Variants in RNF13 observed in about 807,000 individuals in gnomAD.
RNF13 encodes the protein E3 ubiquitin-protein ligase RNF13.
A neutral mutation model predicts 37.7 loss-of-function variants in RNF13; 19 were observed. That is an observed-to-expected ratio of 0.50 (90% CI 0.35 to 0.74). The LOEUF (loss-of-function observed/expected upper bound fraction) is 0.74. Ranked by LOEUF, RNF13 falls within the 30% of genes least tolerant of loss-of-function variation. The pLI is 0.01. For missense variants in RNF13, 375 were observed against 453.0 expected, an observed-to-expected ratio of 0.83 and a Z score of 1.56; for synonymous variants, 144 against 157.8, an observed-to-expected ratio of 0.91 and a Z score of 0.65.
At chr3:149,819,886 T>A (rs573836347) in intron 1 of RNF13, among the ~76,000 whole-genome samples, 1 of 152,360 alleles carries the variant, frequency 6.6e-6, no homozygotes, top group Non-Finnish European at 1.5e-5. Context: ...TTTCTAGTTG[T>A]TTCAACGATG....
At chr3:149,935,079 A>G (rs1456459272) in intron 8 of RNF13, among the ~76,000 whole-genome samples, 2 of 152,236 alleles carry the variant, frequency 1.3e-5, no homozygotes, top group South Asian at 2.1e-4. Flanking sequence ...AGAAGAATGT[A>G]TATTCCACAG....
At chr3:149,914,888 A>G (rs1193124945) in intron 7 of RNF13, among the ~76,000 whole-genome samples, 1 of 152,082 alleles carries the variant, frequency 6.6e-6, no homozygotes, top group Non-Finnish European at 1.5e-5. Context: ...CAGTGAGCCA[A>G]GATCACACCA....
At chr3:149,905,984 A>G (rs1023556376) in intron 6 of RNF13, among the ~76,000 whole-genome samples, 31 of 152,272 alleles carry the variant, frequency 2.0e-4, no homozygotes, top group African/African-American at 6.3e-4. Context: ...GTCACTTCCT[A>G]TTCCCCAGTC....
chr3:149,864,536 A>G (rs939661241), intron 3 of RNF13, among the ~76,000 whole-genome samples: 6 of 152,182 alleles, frequency 3.9e-5, no homozygotes, highest in African/African-American at 1.2e-4. Context: ...CAGAGCGCAC[A>G]TTCATTTTGT....
intron 8 of RNF13, among the ~76,000 whole-genome samples, chr3:149,954,131 G>A (rs186894774): frequency 9.3e-4 from 142 of 152,088 alleles, no homozygotes; most frequent in African/African-American, 2.9e-3. Context: ...TAAGTAAAAG[G>A]TCTGTTTGTT....
intron 8 of RNF13, among the ~76,000 whole-genome samples, chr3:149,959,491 G>A (rs1346478280): frequency 6.6e-6 from 1 of 152,168 alleles, no homozygotes; most frequent in Non-Finnish European, 1.5e-5. Context: ...ATACCTATGT[G>A]CCTGGCCCTT....
intron 1 of RNF13, among the ~76,000 whole-genome samples, chr3:149,845,411 A>G (rs1722548741): frequency 1.3e-5 from 2 of 152,182 alleles, no homozygotes; most frequent in South Asian, 2.1e-4. Context: ...AGTGAACAGG[A>G]TGAAGTTGGG....
chr3:149,910,598 G>A (rs1354279941), intron 6 of RNF13, among the ~76,000 whole-genome samples: 1 of 152,188 alleles, frequency 6.6e-6, no homozygotes, highest in Non-Finnish European at 1.5e-5. Flanking sequence ...AAGCACCTCT[G>A]TATGAGGAAA....
Position 149,889,577 on chromosome 3 carries a change from A to G in RNF13, c.322-5896A>G, listed in dbSNP as rs191291164. ...CTCAGCCTCCCAAAGTGCTGGGATT[A>G]AAGGCGTGAGCCACTGCACTTGGCC... is the stretch of plus-strand genomic sequence containing the variant. On this transcript the variant is annotated intron_variant, in intron 4 of 9. Coordinates refer to ENST00000392894, the MANE Select transcript of RNF13 (RefSeq NM_183381.3). Among the ~76,000 whole-genome samples the G allele has an allele frequency of 3.5e-3, 528 of 151,928 alleles. 3 individuals are homozygous for G. The highest frequency in any genetic ancestry group is 0.012 in the African/African-American group (503 of 41,430).
rs548331987 is a variant in RNF13 at position 149,921,270 on chromosome 3, G to A, written c.700+43G>A. ...AAATAATTATCCTTAGTTTATTTAA[G>A]ACTGCAGGGTGACTATACTCTTTAA... On this transcript the variant is annotated intron_variant, in intron 8 of 9. Transcript: ENST00000392894. 1.9e-5 allele frequency: 17 copies of A among 904,576 alleles called. No individual in the cohort carries two copies. In the Admixed American group the frequency reaches 5.0e-4, roughly 26 times the overall value. 56.0% of individuals were successfully genotyped at this position (904,576 alleles called of 1,614,324 possible).
rs1402275498 is a variant in RNF13 at position 149,814,158 on chromosome 3, A to G, written c.-17+805A>G. The stretch of plus-strand genomic sequence containing the variant: ...CTTGTTGCCCCAAACCTGCCCGGCT[A>G]TTACTGTTCGTCAGTGATGCAGCAG... On this transcript the variant is annotated intron_variant, in intron 1 of 9. Coordinates refer to ENST00000392894, the MANE Select transcript of RNF13 (RefSeq NM_183381.3). 5 of 152,218 alleles carry G rather than the reference A, an allele frequency of 3.3e-5. No individual in the cohort carries two copies. In the South Asian group the frequency reaches 6.2e-4, roughly 19 times the overall value. 9.4% of individuals were successfully genotyped at this position (152,218 alleles called of 1,614,324 possible).
chr3:149,941,467 G>A (rs1233011697), intron 8 of RNF13, among the ~76,000 whole-genome samples: 3 of 151,356 alleles, frequency 2.0e-5, no homozygotes, highest in Middle Eastern at 3.4e-3. Context: ...AGTATTTATT[G>A]GCTATTCGTA....
At chr3:149,919,170 A>G (rs1455447617) in intron 7 of RNF13, among the ~76,000 whole-genome samples, 2 of 152,178 alleles carry the variant, frequency 1.3e-5, no homozygotes, top group African/African-American at 4.8e-5. Context: ...ATTTGATATA[A>G]TAAATTACAC....
At chr3:149,832,244 C>T (rs189409485) in intron 1 of RNF13, among the ~76,000 whole-genome samples, 109 of 152,264 alleles carry the variant, frequency 7.2e-4, no homozygotes, top group African/African-American at 2.5e-3. Flanking sequence ...GCTTCAGAAC[C>T]AGTGGAATCT....
chr3:149,917,100 C>T (rs58160657), intron 7 of RNF13, among the ~76,000 whole-genome samples: 32 of 152,164 alleles, frequency 2.1e-4, no homozygotes, highest in African/African-American at 7.7e-4. Context: ...TGTTCTCTGC[C>T]CATTTACTCT....
At chr3:149,929,177 A>T (rs897973571) in intron 8 of RNF13, among the ~76,000 whole-genome samples, 10 of 152,184 alleles carry the variant, frequency 6.6e-5, no homozygotes, top group African/African-American at 2.4e-4. Context: ...GTTTTAATTG[A>T]CTCACAGTTC....
chr3:149,873,106 G>A (rs1712266390), intron 4 of RNF13, among the ~76,000 whole-genome samples: 4 of 152,078 alleles, frequency 2.6e-5, no homozygotes, highest in African/African-American at 9.7e-5. Flanking sequence ...GTTTTATCCA[G>A]AACTAAACTA....
At chr3:149,849,790 C>G (rs1722966754) in intron 2 of RNF13, among the ~76,000 whole-genome samples, 1 of 152,218 alleles carries the variant, frequency 6.6e-6, no homozygotes, top group South Asian at 2.1e-4. Context: ...AGCATGATGT[C>G]TGTACATAAT....
At chr3:149,882,545 A>C (rs1713547769) in intron 4 of RNF13, among the ~76,000 whole-genome samples, 1 of 152,188 alleles carries the variant, frequency 6.6e-6, no homozygotes, top group African/African-American at 2.4e-5. Flanking sequence ...AGGTGAAAAC[A>C]GGCTTAGTTT....
Sources: allele counts gnomAD v4.1 joint callset (sites outside exome capture counted in the v4.1 genomes callset), GRCh38; gene constraint gnomAD v4.1.1; transcripts MANE v1.5; gene names NCBI Gene and HGNC (gene_info 2026-07-23, HGNC 2026-07-21).